The following PALM2AKAP2 variants were observed in gnomAD, a reference collection of about 807,000 sequenced individuals.
PALM2AKAP2 encodes the protein PALM2-AKAP2 fusion protein.
PALM2AKAP2 carries 37 observed loss-of-function variants against 71.5 expected under a neutral mutation model. The observed-to-expected ratio is 0.52, with a 90% confidence interval of 0.40 to 0.68. The LOEUF is 0.68. Ranked by LOEUF, PALM2AKAP2 falls within the 30% of genes least tolerant of loss-of-function variation. PALM2AKAP2 has a pLI of 0.00. For missense variants in PALM2AKAP2, 1,224 were observed against 1,191.8 expected (o/e 1.03, Z -0.40); for synonymous variants, 468 against 478.8 (o/e 0.98, Z 0.29).
chr9:109,736,912 AATAG>A (rs1239384175), intron 1 of PALM2AKAP2, among the ~76,000 whole-genome samples: 5 of 152,252 alleles, frequency 3.3e-5, no homozygotes, highest in African/African-American at 4.8e-5. Context: ...ATTGACAGGA[AATAG>A]ATAGCCTTAA....
At chr9:109,742,611 C>T (rs1266399400) in intron 1 of PALM2AKAP2, among the ~76,000 whole-genome samples, 1 of 152,144 alleles carries the variant, frequency 6.6e-6, no homozygotes, top group African/African-American at 2.4e-5. Flanking sequence ...ACCATTTCCA[C>T]TTGAGGTTGT....
chr9:110,070,046 T>C (rs491533), intron 1 of PALM2AKAP2, among the ~76,000 whole-genome samples: 102,123 of 152,016 alleles, frequency 0.67, 34,712 homozygotes, highest in African/African-American at 0.77. Context: ...CCATCCCCAC[T>C]GGAGGGGCAT....
At chr9:109,768,558 T>A (rs10980033) in intron 1 of PALM2AKAP2, among the ~76,000 whole-genome samples, 2,296 of 152,330 alleles carry the variant, frequency 0.015, 25 homozygotes, top group African/African-American at 0.019. Context: ...TGCAATTTTT[T>A]AAATAATACT....
chr9:110,001,058 T>C (rs185368576), intron 6 of PALM2AKAP2, among the ~76,000 whole-genome samples: 3 of 152,370 alleles, frequency 2.0e-5, no homozygotes, highest in Admixed American at 6.5e-5. Flanking sequence ...TTGCCATTGC[T>C]TTTTGTGTTT....
At chr9:110,062,038 T>C (rs1363890416) in intron 1 of PALM2AKAP2, among the ~76,000 whole-genome samples, 1 of 152,068 alleles carries the variant, frequency 6.6e-6, no homozygotes, top group Non-Finnish European at 1.5e-5. Flanking sequence ...TTTACTATGG[T>C]TGGGGGTATA....
intron 7 of PALM2AKAP2, among the ~76,000 whole-genome samples, chr9:110,034,443 C>T (rs2132425969): frequency 6.6e-6 from 1 of 152,268 alleles, no homozygotes; most frequent in South Asian, 2.1e-4. Context: ...CAGGCGTGAA[C>T]CACCACACCC....
At chr9:109,695,881 G>A (rs1048733815) in intron 1 of PALM2AKAP2, among the ~76,000 whole-genome samples, 1 of 152,070 alleles carries the variant, frequency 6.6e-6, no homozygotes, top group African/African-American at 2.4e-5. Flanking sequence ...CAAGGGTGGG[G>A]GTGATGAAGA....
At chr9:109,941,585 GA>G (rs746212868) in intron 6 of PALM2AKAP2, among the ~76,000 whole-genome samples, 6 of 152,222 alleles carry the variant, frequency 3.9e-5, no homozygotes, top group Non-Finnish European at 5.9e-5. Flanking sequence ...GGAAGCTGCT[GA>G]GTTTGATGGG....
intron 1 of PALM2AKAP2, among the ~76,000 whole-genome samples, chr9:110,118,634 C>T (rs1278848657): frequency 2.0e-5 from 3 of 152,152 alleles, no homozygotes; most frequent in Admixed American, 2.0e-4. Context: ...TGCTTTCCCA[C>T]CTGTCTCTCT....
intron 1 of PALM2AKAP2, among the ~76,000 whole-genome samples, chr9:110,071,870 G>C (rs1330904023): frequency 1.3e-5 from 2 of 152,082 alleles, no homozygotes; most frequent in South Asian, 2.1e-4. Context: ...AGTCTTCGTA[G>C]GACTTGTTCA....
intron 2 of PALM2AKAP2, among the ~76,000 whole-genome samples, 198 bp from the exon 9 acceptor site, chr9:110,156,121 T>G (rs1467308066): frequency 1.3e-5 from 2 of 152,040 alleles, no homozygotes; most frequent in African/African-American, 2.4e-5. Context: ...TTGGTGTCCT[T>G]GAGATCTTTG....
chr9:110,109,338 C>CAGAA (rs3063942), intron 1 of PALM2AKAP2, among the ~76,000 whole-genome samples: 10,380 of 130,340 alleles, frequency 0.08, 499 homozygotes, highest in Non-Finnish European at 0.095. Flanking sequence ...AAAAAAAAAC[C>CAGAA]AGAAAGAAAG....
intron 1 of PALM2AKAP2, among the ~76,000 whole-genome samples, chr9:109,699,615 A>G (rs1468649820): frequency 6.6e-6 from 1 of 152,204 alleles, no homozygotes; most frequent in Non-Finnish European, 1.5e-5. Context: ...AAGTGAAGAA[A>G]GCATGACAAC....
intron 3 of PALM2AKAP2, among the ~76,000 whole-genome samples, chr9:109,882,160 G>C (rs1205029310): frequency 6.6e-6 from 1 of 152,128 alleles, no homozygotes; most frequent in Non-Finnish European, 1.5e-5. Context: ...TGGAATTACA[G>C]ACATGAACCA....
At chr9:110,144,738 C>T (rs1836121425) in intron 2 of PALM2AKAP2, among the ~76,000 whole-genome samples, 1 of 152,188 alleles carries the variant, frequency 6.6e-6, no homozygotes, top group African/African-American at 2.4e-5. Flanking sequence ...AGGAGACCTT[C>T]ATGTCAGCTC....
rs578188245 is a variant in PALM2AKAP2, at chr9:109,946,895, T to G, written c.496+14867T>G. The stretch of plus-strand genomic sequence containing the variant: ...CTTAATGACTTCTGTATTCTTGACT[T>G]CTTAAAAATATTTTCTTTCTTTTAG... On this transcript the variant is annotated intron_variant, in intron 6 of 9. Transcript: ENST00000302798. Among the ~76,000 whole-genome samples the G allele has an allele frequency of 2.0e-5, 3 of 152,296 alleles. No individual in the cohort carries two copies. The South Asian group carries it at 6.2e-4, about 32-fold the overall frequency.
At chr9:109,762,329 G>GA (rs78090307) in intron 1 of PALM2AKAP2, among the ~76,000 whole-genome samples, 5,471 of 152,118 alleles carry the variant, frequency 0.036, 224 homozygotes, top group East Asian at 0.23. Flanking sequence ...TTGATCAGTG[G>GA]AAGACTAGTG....
chr9:109,786,812 A>G (rs1027628349), intron 1 of PALM2AKAP2, among the ~76,000 whole-genome samples: 51 of 152,278 alleles, frequency 3.3e-4, no homozygotes, highest in African/African-American at 1.2e-3. Context: ...AAAAAAAGTC[A>G]TCATAGAAAA....
At chr9:110,139,662 A>G (rs191409997) in intron 2 of PALM2AKAP2, among the ~76,000 whole-genome samples, 3 of 151,996 alleles carry the variant, frequency 2.0e-5, no homozygotes, top group Non-Finnish European at 4.4e-5. Context: ...GGCTTCCATC[A>G]AACCTACAAT....
Sources: gnomAD v4.1 joint callset for allele counts (sites outside exome capture counted in the v4.1 genomes callset) on GRCh38, gnomAD v4.1.1 for gene constraint, MANE v1.5 for transcripts, NCBI Gene and HGNC (gene_info 2026-07-23, HGNC 2026-07-21) for gene names.